The following FN3K variants were observed in gnomAD, a reference collection of about 807,000 sequenced individuals.
FN3K encodes fructosamine-3-kinase.
Under a neutral mutation model 24.8 loss-of-function variants are expected in FN3K, and 24 were observed. That is an observed-to-expected ratio of 0.97 (90% CI 0.70 to 1.36). The LOEUF (loss-of-function observed/expected upper bound fraction) is 1.36, where lower values mean the gene tolerates loss of function less well. Among genes scored for constraint, FN3K ranks in the 40% most tolerant of loss-of-function variants. FN3K has a pLI of 0.00. For synonymous variants in FN3K, 192 were observed against 175.2 expected, an observed-to-expected ratio of 1.10 and a Z score of -0.76; for missense variants, 449 against 416.7, an observed-to-expected ratio of 1.08 and a Z score of -0.67.
Position 82,750,656 on chromosome 17 carries a change from G to A in FN3K, c.831G>A (p.Leu277=), listed in dbSNP as rs1194333983. The change falls in exon 6 of 6, where the codon CTG becomes CTA. Residue 277 remains leucine (L), a synonymous_variant. Transcript: ENST00000300784. ...AGGCTCCGGGCTTCGACCAGCGGCT[G>A]CTGCTCTACCAGCTGTTTAACTACC... ...IPKAPGFDQR[L]LLYQLFNYLN... 12 of 1,613,966 alleles carry A rather than the reference G, an allele frequency of 7.4e-6. No individual in the cohort carries two copies. Among genetic ancestry groups the A allele is most frequent in the African/African-American group, 1.3e-5 (1 of 75,024 alleles).
chr17:82,738,263 C>T, intron 1 of FN3K: 1 of 579,518 alleles, frequency 1.7e-6, no homozygotes, highest in Non-Finnish European at 3.1e-6. Flanking sequence ...CTGCAGACCC[C>T]ACACCCCTCA....
intron 1 of FN3K, chr17:82,738,031 A>T (rs1287896624): frequency 4.3e-5 from 7 of 161,110 alleles, no homozygotes; most frequent in Admixed American, 4.2e-4. Flanking sequence ...CCTGGACCTG[A>T]GGCCCCGCCT....
intron 4 of FN3K, chr17:82,742,769 C>G (rs2046947886): frequency 2.2e-6 from 1 of 449,636 alleles, no homozygotes; most frequent in South Asian, 1.6e-5. Flanking sequence ...AACACAGCAC[C>G]CATTATATAA....
chr17:82,736,678 G>T (rs1221548098), intron 1 of FN3K, among the ~76,000 whole-genome samples: 1 of 152,210 alleles, frequency 6.6e-6, no homozygotes, highest in Non-Finnish European at 1.5e-5. Context: ...ACTCTGGTGG[G>T]GGAGCTCTCT....
rs563475810 is a variant in FN3K, at chr17:82,738,337, G to T, written c.142-152G>T. The stretch of plus-strand genomic sequence containing the variant: ...CCGACGGGGGGCCCCTCTGCACCCT[G>T]CCCTCTGTGGTGGACGCCAGCTCCC... On this transcript the variant is annotated intron_variant, in intron 1 of 5. Coordinates refer to ENST00000300784, the MANE Select transcript of FN3K (RefSeq NM_022158.4). 2.4e-4 allele frequency: 247 copies of T among 1,013,250 alleles called. 1 individual carries two copies. Among genetic ancestry groups the T allele is most frequent in the Non-Finnish European group, 3.3e-4 (224 of 682,762 alleles). 62.8% of individuals were successfully genotyped at this position (1,013,250 alleles called of 1,614,324 possible).
Position 82,741,296 on chromosome 17 carries a change from G to A in FN3K, c.386-15G>A, listed in dbSNP as rs369360470. ...AGACAAACAGCTCCTTCAGGCCAAG[G>A]ATCTCTGTCAACAGGCCGAAGAGGT... On this transcript the variant is annotated splice_polypyrimidine_tract_variant and intron_variant, in intron 3 of 5. Coordinates refer to ENST00000300784, the MANE Select transcript of FN3K (RefSeq NM_022158.4). 1.4e-5 allele frequency: 22 copies of A among 1,612,470 alleles called. No individual in the cohort carries two copies. The highest frequency in any genetic ancestry group is 3.3e-4 in the Middle Eastern group (2 of 6,082).
chr17:82,750,510 G>C lies in FN3K; in HGVS notation c.685G>C (p.Gly229Arg). The C allele has an allele frequency of 6.2e-7, 1 of 1,614,130 alleles. No individual in the cohort carries two copies. The highest frequency in any genetic ancestry group is 8.5e-7 in the Non-Finnish European group (1 of 1,180,018). Residue 229 changes from glycine (G) to arginine (R), a missense_variant, in exon 6 of 6, where the codon GGG becomes CGG. By Grantham distance (125) the Gly-to-Arg change is moderately radical. Coordinates refer to ENST00000300784, the MANE Select transcript of FN3K (RefSeq NM_022158.4). ...GGGAAACGTGGCTGAGGACGACGTG[G>C]GGCCCATTATTTACGACCCGGCTTC... The part of the protein sequence containing the change: ...WSGNVAEDDV[G>R]PIIYDPASFY...
chr17:82,735,834 G>C, intron 1 of FN3K, 57 bp downstream of exon 1: 1 of 1,523,396 alleles, frequency 6.6e-7, no homozygotes. Context: ...CTGGGAAGGC[G>C]GAGGGGTCGG....
At chr17:82,746,858 T>G (rs1011921053) in intron 4 of FN3K, among the ~76,000 whole-genome samples, 11 of 152,018 alleles carry the variant, frequency 7.2e-5, no homozygotes, top group African/African-American at 2.4e-4. Flanking sequence ...GGAGTTTCAC[T>G]CTGTTGAGCA....
intron 4 of FN3K, among the ~76,000 whole-genome samples, chr17:82,744,608 CACAGAG>C (rs901314849): frequency 1.6e-4 from 19 of 116,768 alleles, no homozygotes; most frequent in Non-Finnish European, 2.5e-4. Flanking sequence ...AAGAAAAAGA[CACAGAG>C]ACAAAGTATA....
chr17:82,741,105 T>G (rs2046938728), intron 3 of FN3K: 1 of 675,566 alleles, frequency 1.5e-6, no homozygotes. Context: ...ATAACCCCTT[T>G]TATACCCAGC....
chr17:82,748,710 C>T (rs892093754), intron 4 of FN3K, 145 bp from the exon 5 acceptor site: 1 of 1,298,714 alleles, frequency 7.7e-7, no homozygotes, highest in African/African-American at 1.5e-5. Flanking sequence ...ACCTGCCTTC[C>T]TCTGGGTTGA....
intron 4 of FN3K, among the ~76,000 whole-genome samples, chr17:82,744,292 GGT>G (rs2046956442): frequency 6.6e-6 from 1 of 152,128 alleles, no homozygotes; most frequent in Admixed American, 6.5e-5. Flanking sequence ...TCTCTACAGA[GGT>G]GTAATTTGAC....
chr17:82,742,741 T>C (rs1375601284), intron 4 of FN3K: 1 of 456,034 alleles, frequency 2.2e-6, no homozygotes, highest in Admixed American at 2.4e-5. Context: ...TATTGGACCA[T>C]ATTTTGGTTT....
At chr17:82,740,615 A>G in intron 2 of FN3K, 148 bp from the exon 3 acceptor site, 1 of 618,294 alleles carries the variant, frequency 1.6e-6, no homozygotes. Context: ...AAAGCAAAAG[A>G]AAGAGTCATT....
chr17:82,750,869 T>G lies in FN3K; in HGVS notation c.*114T>G. 1.7e-6 allele frequency: 1 copy of G among 574,204 alleles called. No individual in the cohort carries two copies. The highest frequency in any genetic ancestry group is 2.8e-6 in the Non-Finnish European group (1 of 358,934). 35.6% of individuals were successfully genotyped at this position (574,204 alleles called of 1,614,324 possible). A position where few individuals can be genotyped will look rare whatever the true frequency, so the allele number is the denominator to read the frequency against. The stretch of plus-strand genomic sequence containing the variant: ...CTGTCCCCCTGTTCCCGTCTCCCCG[T>G]CCCTCCGTCTCCATCCCCCCGTCCC... On this transcript the variant is annotated 3_prime_UTR_variant, in exon 6 of 6. Coordinates refer to ENST00000300784, the MANE Select transcript of FN3K (RefSeq NM_022158.4).
chr17:82,745,937 A>G (rs1417097515), intron 4 of FN3K, among the ~76,000 whole-genome samples: 1 of 152,016 alleles, frequency 6.6e-6, no homozygotes, highest in Non-Finnish European at 1.5e-5. Flanking sequence ...ACTAAAAAAT[A>G]CAAAAAATTA....
Position 82,735,759 on chromosome 17 carries a change from A to G in FN3K, c.123A>G (p.Lys41=), listed in dbSNP as rs766933800. Residue 41 remains lysine (K), a synonymous_variant, in exon 1 of 6, where the codon AAA becomes AAG. Coordinates refer to ENST00000300784, the MANE Select transcript of FN3K (RefSeq NM_022158.4). ...CGGACGCAGGCCCAGTGTTCGTCAA[A>G]GTCAACCGCAGGACGCAGGTGCTGG... ...YDTDAGPVFV[K]VNRRTQARQM... 1.9e-6 allele frequency: 3 copies of G among 1,563,948 alleles called. No homozygotes were observed. The South Asian group carries it at 3.5e-5, about 18-fold the overall frequency.
Position 82,750,809 on chromosome 17 carries a change from C to T in FN3K, c.*54C>T, listed in dbSNP as rs2047018055. The T allele has an allele frequency of 2.2e-5, 32 of 1,478,982 alleles. No individual in the cohort carries two copies. Among genetic ancestry groups the T allele is most frequent in the Non-Finnish European group, 2.9e-5 (32 of 1,089,300 alleles). The allele number at this position is 1,478,982 out of a possible 1,614,324, so 91.6% of individuals were successfully genotyped here. ...CGTCCCCGTCTCCGTCTCCCCGTCC[C>T]TGTCCCCCCGTCCCCCGTCCCTGTG... On this transcript the variant is annotated 3_prime_UTR_variant, in exon 6 of 6. Coordinates refer to ENST00000300784, the MANE Select transcript of FN3K (RefSeq NM_022158.4).
Sources: allele counts gnomAD v4.1 joint callset (sites outside exome capture counted in the v4.1 genomes callset), GRCh38; gene constraint gnomAD v4.1.1; transcripts MANE v1.5; gene names NCBI Gene and HGNC (gene_info 2026-07-23, HGNC 2026-07-21).